The following CSNK1G3 variants were observed in gnomAD, a reference collection of about 807,000 sequenced individuals.
CSNK1G3 encodes casein kinase I isoform gamma-3.
CSNK1G3 carries 23 observed loss-of-function variants against 64.3 expected under a neutral mutation model. That is an observed-to-expected ratio of 0.36 (90% CI 0.26 to 0.51). The LOEUF is 0.51. Among genes scored for constraint, CSNK1G3 ranks in the 20% least tolerant of loss-of-function variants. The pLI is 0.96. For missense variants in CSNK1G3, 357 were observed against 510.5 expected, an observed-to-expected ratio of 0.70 and a Z score of 2.90; for synonymous variants, 158 against 162.2, an observed-to-expected ratio of 0.97 and a Z score of 0.20.
chr5:123,523,173 T>C (rs1281330082), intron 1 of CSNK1G3, among the ~76,000 whole-genome samples: 1 of 152,186 alleles, frequency 6.6e-6, no homozygotes, highest in Non-Finnish European at 1.5e-5. Flanking sequence ...ATACCACTGT[T>C]GATGAGGAAC....
intron 1 of CSNK1G3, among the ~76,000 whole-genome samples, chr5:123,539,029 G>C (rs1781266847): frequency 6.6e-6 from 1 of 152,066 alleles, no homozygotes; most frequent in Non-Finnish European, 1.5e-5. Flanking sequence ...TTTTTGTAGA[G>C]ACGGGGTTTT....
At chr5:123,527,215 A>G (rs192013881) in intron 1 of CSNK1G3, among the ~76,000 whole-genome samples, 60 of 152,280 alleles carry the variant, frequency 3.9e-4, no homozygotes, top group African/African-American at 1.4e-3. Context: ...TGCAATCTTC[A>G]TTGTGTTCTG....
chr5:123,609,657 G>A (rs995760559), intron 12 of CSNK1G3, among the ~76,000 whole-genome samples: 3 of 152,196 alleles, frequency 2.0e-5, no homozygotes, highest in Non-Finnish European at 2.9e-5. Context: ...GTGGAAAGAA[G>A]AGCATGTGCA....
intron 1 of CSNK1G3, among the ~76,000 whole-genome samples, chr5:123,538,989 C>T (rs1405707902): frequency 6.6e-6 from 1 of 152,052 alleles, no homozygotes; most frequent in East Asian, 1.9e-4. Flanking sequence ...GTTTATGATC[C>T]ATTTCAAATT....
intron 1 of CSNK1G3, among the ~76,000 whole-genome samples, chr5:123,543,508 G>T (rs184030902): frequency 3.5e-4 from 53 of 151,904 alleles, no homozygotes; most frequent in Middle Eastern, 3.4e-3. Flanking sequence ...CCACCTTACC[G>T]CACCACTCCA....
chr5:123,590,618 A>C (rs912679709), intron 9 of CSNK1G3, 60 bp downstream of exon 9: 1 of 997,324 alleles, frequency 1.0e-6, no homozygotes, highest in Non-Finnish European at 1.4e-6. Context: ...TAATAGTACA[A>C]TATCTTCAAT....
At chr5:123,535,575 T>C (rs977803417) in intron 1 of CSNK1G3, among the ~76,000 whole-genome samples, 2 of 152,168 alleles carry the variant, frequency 1.3e-5, no homozygotes, top group African/African-American at 4.8e-5. Flanking sequence ...AGTAAAAAAA[T>C]ACATTATTAC....
intron 10 of CSNK1G3, 99 bp downstream of exon 10, chr5:123,591,513 A>ATT: frequency 1.7e-6 from 1 of 594,146 alleles, no homozygotes. Context: ...GAAAATACAT[A>ATT]TTTTTAATAG....
chr5:123,543,840 G>A (rs1349905853), intron 1 of CSNK1G3, among the ~76,000 whole-genome samples: 2 of 152,152 alleles, frequency 1.3e-5, no homozygotes, highest in African/African-American at 4.8e-5. Context: ...AGAGTAAACA[G>A]GAACTCAGTT....
chr5:123,522,686 A>G (rs1157069226), intron 1 of CSNK1G3, among the ~76,000 whole-genome samples: 1 of 152,156 alleles, frequency 6.6e-6, no homozygotes, highest in Non-Finnish European at 1.5e-5. Flanking sequence ...TTTAGGGAAT[A>G]ATGATAAAAA....
At chr5:123,564,790 T>G (rs1786503392) in intron 4 of CSNK1G3, among the ~76,000 whole-genome samples, 1 of 152,212 alleles carries the variant, frequency 6.6e-6, no homozygotes, top group Non-Finnish European at 1.5e-5. Context: ...AGAATTTTAC[T>G]GCTAAATGCA....
chr5:123,539,198 C>G (rs1353734998), intron 1 of CSNK1G3, among the ~76,000 whole-genome samples: 1 of 152,018 alleles, frequency 6.6e-6, no homozygotes, highest in East Asian at 1.9e-4. Flanking sequence ...GCTGTAATGC[C>G]AGCACTTTGA....
chr5:123,534,979 A>G (rs2150134094), intron 1 of CSNK1G3, among the ~76,000 whole-genome samples: 1 of 152,288 alleles, frequency 6.6e-6, no homozygotes, highest in Middle Eastern at 3.4e-3. Context: ...GAATAACTCC[A>G]TTGTGCTTTA....
chr5:123,512,664 G>C (rs1238497839), intron 1 of CSNK1G3, 94 bp downstream of exon 1: 33 of 149,732 alleles, frequency 2.2e-4, no homozygotes, highest in African/African-American at 7.0e-4. Flanking sequence ...GGTGGGGCTG[G>C]GGTCCCGGGC....
At chr5:123,579,467 G>GGTTTTAATT (rs1789835269) in intron 6 of CSNK1G3, among the ~76,000 whole-genome samples, 1 of 151,592 alleles carries the variant, frequency 6.6e-6, no homozygotes, top group Non-Finnish European at 1.5e-5. Flanking sequence ...TTAAAACCAG[G>GGTTTTAATT]CACACCTATA....
chr5:123,513,879 T>G (rs1776674035), intron 1 of CSNK1G3, among the ~76,000 whole-genome samples: 1 of 152,202 alleles, frequency 6.6e-6, no homozygotes, highest in Admixed American at 6.5e-5. Flanking sequence ...TGTGTGACAT[T>G]AATAGCTTTC....
intron 1 of CSNK1G3, among the ~76,000 whole-genome samples, chr5:123,529,451 A>G (rs902850626): frequency 6.6e-6 from 1 of 152,146 alleles, no homozygotes; most frequent in African/African-American, 2.4e-5. Context: ...GTTGTGGGTA[A>G]TGGAAGTAGA....
intron 4 of CSNK1G3, among the ~76,000 whole-genome samples, chr5:123,567,290 A>C (rs972164517): frequency 3.9e-5 from 6 of 152,216 alleles, no homozygotes; most frequent in Non-Finnish European, 1.5e-5. Context: ...AAACCATATC[A>C]GTGACTCATT....
intron 9 of CSNK1G3, 40 bp downstream of exon 9, chr5:123,590,598 G>A (rs758544163): frequency 2.7e-5 from 34 of 1,273,046 alleles, no homozygotes; most frequent in Middle Eastern, 4.7e-4. Context: ...TACAGTATCT[G>A]TTGCCTTTTT....
Sources: allele counts gnomAD v4.1 joint callset (sites outside exome capture counted in the v4.1 genomes callset), GRCh38; gene constraint gnomAD v4.1.1; transcripts MANE v1.5; gene names NCBI Gene and HGNC (gene_info 2026-07-23, HGNC 2026-07-21).